The following TBXAS1 variants were observed in gnomAD, a reference collection of about 807,000 sequenced individuals.
TBXAS1 encodes the protein thromboxane-A synthase.
A neutral mutation model predicts 60.7 loss-of-function variants in TBXAS1; 48 were observed. That is an observed-to-expected ratio of 0.79 (90% confidence interval 0.63 to 1.01). The LOEUF (loss-of-function observed/expected upper bound fraction) is 1.01. Among genes scored for constraint, TBXAS1 ranks in the 50% least tolerant of loss-of-function variants. The pLI, the probability that TBXAS1 is intolerant of heterozygous loss-of-function variation, is 0.00. For missense variants in TBXAS1, 685 were observed against 686.3 expected, an observed-to-expected ratio of 1.00 and a Z score of 0.02; for synonymous variants, 287 against 269.7, an observed-to-expected ratio of 1.06 and a Z score of -0.63.
chr7:139,877,232 G>A (rs193223214), intron 3 of TBXAS1, among the ~76,000 whole-genome samples: 6 of 152,186 alleles, frequency 3.9e-5, no homozygotes, highest in Admixed American at 1.3e-4. Context: ...TAAATAACAA[G>A]CAACCCTGCT....
chr7:139,922,067 G>C (rs1160885473), intron 4 of TBXAS1, among the ~76,000 whole-genome samples: 1 of 151,616 alleles, frequency 6.6e-6, no homozygotes, highest in Non-Finnish European at 1.5e-5. Context: ...GTATTTATCT[G>C]GTGACCATGT....
intron 8 of TBXAS1, among the ~76,000 whole-genome samples, chr7:139,958,559 A>G (rs1227227229): frequency 6.6e-6 from 1 of 152,240 alleles, no homozygotes; most frequent in Non-Finnish European, 1.5e-5. Context: ...GCAAGATGCA[A>G]CTTTAAAAGG....
At chr7:139,950,661 C>T (rs1006474390) in intron 5 of TBXAS1, among the ~76,000 whole-genome samples, 3 of 127,556 alleles carry the variant, frequency 2.4e-5, no homozygotes, top group African/African-American at 9.1e-5. Flanking sequence ...ACAGGACTCC[C>T]TCACCCTCCA....
Position 139,896,697 on chromosome 7 carries a change from T to G in TBXAS1, c.237-14528T>G, listed in dbSNP as rs1244612997. Among the ~76,000 whole-genome samples, 1 of 152,186 alleles carries G rather than the reference T, an allele frequency of 6.6e-6. No individual in the cohort carries two copies. The highest frequency in any genetic ancestry group is 1.5e-5 in the Non-Finnish European group (1 of 68,032). On this transcript the variant is annotated intron_variant, in intron 3 of 12. Coordinates refer to ENST00000448866, the MANE Select transcript of TBXAS1 (RefSeq NM_001061.7). The surrounding 1 kb of genome is among the most constrained non-coding windows in gnomAD (Gnocchi z 4.0). ...TAGAAATGAGACTGTGGGGTTCTTCTTTTGGCCTGGGGAGCGCTACGAAGA... is the reference window on the plus strand; with the variant it reads ...TAGAAATGAGACTGTGGGGTTCTTCGTTTGGCCTGGGGAGCGCTACGAAGA...
At chr7:139,927,800 T>A (rs1807009763) in intron 4 of TBXAS1, among the ~76,000 whole-genome samples, 1 of 152,162 alleles carries the variant, frequency 6.6e-6, no homozygotes, top group African/African-American at 2.4e-5. Flanking sequence ...TAAAATTTCA[T>A]TTTTCAGTAG....
chr7:139,898,836 T>G (rs113802739), intron 3 of TBXAS1, among the ~76,000 whole-genome samples: 2,026 of 152,232 alleles, frequency 0.013, 19 homozygotes, highest in Non-Finnish European at 0.016. Context: ...TCTTTAATCA[T>G]AGGAACAGTT....
At chr7:139,991,307 G>T (rs1051043125) in intron 9 of TBXAS1, among the ~76,000 whole-genome samples, 1 of 151,718 alleles carries the variant, frequency 6.6e-6, no homozygotes, top group Non-Finnish European at 1.5e-5. Context: ...ATGCAGGTCC[G>T]TGACCCCCAC....
At chr7:139,936,631 C>T (rs1807812523) in intron 5 of TBXAS1, among the ~76,000 whole-genome samples, 1 of 151,222 alleles carries the variant, frequency 6.6e-6, no homozygotes, top group Non-Finnish European at 1.5e-5. Flanking sequence ...GTCTGTTGGA[C>T]TGTCATGCAT....
At chr7:139,892,103 T>C (rs962786511) in intron 3 of TBXAS1, among the ~76,000 whole-genome samples, 1 of 152,180 alleles carries the variant, frequency 6.6e-6, no homozygotes, top group South Asian at 2.1e-4. Flanking sequence ...AAGTCATTAA[T>C]TGGAGTCTTA....
intron 4 of TBXAS1, among the ~76,000 whole-genome samples, chr7:139,918,380 G>C (rs1806169737): frequency 6.6e-6 from 1 of 152,142 alleles, no homozygotes; most frequent in Admixed American, 6.6e-5. Flanking sequence ...AGAGCCACTT[G>C]GAGCTTCAGG....
At chr7:139,917,607 G>A (rs138036834) in intron 4 of TBXAS1, among the ~76,000 whole-genome samples, 84 of 152,318 alleles carry the variant, frequency 5.5e-4, no homozygotes, top group African/African-American at 1.9e-3. Context: ...ACTGAGCTTC[G>A]TTTCCAACAT....
chr7:139,927,006 T>C (rs762651479), intron 4 of TBXAS1, among the ~76,000 whole-genome samples: 5 of 152,102 alleles, frequency 3.3e-5, no homozygotes, highest in Admixed American at 6.6e-5. Context: ...TGTTTGTTTT[T>C]TGTTTCTTGA....
At chr7:139,868,584 A>C (rs1801594898) in intron 1 of TBXAS1, among the ~76,000 whole-genome samples, 1 of 151,484 alleles carries the variant, frequency 6.6e-6, no homozygotes, top group South Asian at 2.1e-4. Context: ...CCTGAGCTCA[A>C]GTGATCCTCC....
intron 3 of TBXAS1, among the ~76,000 whole-genome samples, chr7:139,897,244 A>G (rs2267693): frequency 0.035 from 5,392 of 151,960 alleles, 203 homozygotes; most frequent in South Asian, 0.19. Flanking sequence ...CGTTCCAGGC[A>G]AGGCAGGGGG....
At chr7:139,959,434 T>A (rs1044039316) in intron 8 of TBXAS1, among the ~76,000 whole-genome samples, 2 of 152,182 alleles carry the variant, frequency 1.3e-5, no homozygotes, top group African/African-American at 4.8e-5. Flanking sequence ...TTTCCTTGGA[T>A]AGGACCATAA....
chr7:139,816,392 T>G (rs1000943321), intron 4 of TBXAS1, among the ~76,000 whole-genome samples: 2 of 152,216 alleles, frequency 1.3e-5, no homozygotes, highest in Admixed American at 1.3e-4. Flanking sequence ...GTTGCTGACA[T>G]GCTGCTGCCC....
At chr7:139,949,155 G>A (rs573707932) in intron 5 of TBXAS1, among the ~76,000 whole-genome samples, 2 of 152,304 alleles carry the variant, frequency 1.3e-5, no homozygotes, top group South Asian at 4.1e-4. Context: ...CTTTCACACT[G>A]TCCAGGAATA....
intron 3 of TBXAS1, among the ~76,000 whole-genome samples, chr7:139,901,326 C>CAAAAAAA (rs8192825): frequency 8.1e-6 from 1 of 123,290 alleles, no homozygotes. Flanking sequence ...AATATTACTA[C>CAAAAAAA]AAAAAAAAAA....
chr7:139,879,790 C>T (rs143426225), intron 3 of TBXAS1, among the ~76,000 whole-genome samples: 35 of 151,634 alleles, frequency 2.3e-4, no homozygotes, highest in Middle Eastern at 3.4e-3. Flanking sequence ...TTAGCAACTC[C>T]TAAAGGCCGC....
Sources: gnomAD v4.1 joint callset for allele counts (sites outside exome capture counted in the v4.1 genomes callset) on GRCh38, gnomAD v4.1.1 for gene constraint, Gnocchi (gnomAD v3.1) non-coding constraint, MANE v1.5 for transcripts, NCBI Gene and HGNC (gene_info 2026-07-23, HGNC 2026-07-21) for gene names.